FOXD2: variants seen among roughly 807,000 people sequenced by gnomAD.
The protein encoded by FOXD2 is forkhead box D2.
FOXD2 carries 4 observed loss-of-function variants against 6.4 expected under a neutral mutation model. The ratio of observed to expected loss-of-function variants is 0.62; its 90% CI spans 0.31 to 1.42. The LOEUF is 1.42. Among genes scored for constraint, FOXD2 ranks in the 40% most tolerant of loss-of-function variants. The pLI is 0.08. For missense variants in FOXD2, 709 were observed against 766.8 expected (o/e 0.92, Z 0.89); for synonymous variants, 393 against 373.6 (o/e 1.05, Z -0.60).
In FOXD2 at chr1:47,438,422, G is replaced by C; in HGVS notation, c.287G>C (p.Ser96Thr). 1 of 1,155,980 alleles carries C rather than the reference G, an allele frequency of 8.7e-7. No individual in the cohort carries two copies. Among genetic ancestry groups the C allele is most frequent in the South Asian group, 4.2e-5 (1 of 23,658 alleles). The allele number at this position is 1,155,980 out of a possible 1,614,324, so 71.6% of individuals were successfully genotyped here. Residue 96 changes from serine to threonine, a missense_variant, in exon 1 of 1, where the codon AGC (serine) becomes ACC (threonine). Physicochemically the swap from Ser to Thr is moderately conservative, Grantham distance 58. Around this residue, in one of 5 missense-constraint regions of FOXD2, gnomAD observed 220 missense variants for 199.2 expected, o/e 1.10. Transcript: ENST00000334793. ...ASRGAAAAAG[S>T]PGPGAAAARG... Reference sequence around the variant, plus strand: ...CGGGGGGCGGCGGCCGCAGCGGGGAGCCCGGGGCCAGGCGCCGCGGCGGCC... The same window carrying C: ...CGGGGGGCGGCGGCCGCAGCGGGGACCCCGGGGCCAGGCGCCGCGGCGGCC...
At position 47,438,372 on chromosome 1, in the gene FOXD2, C is replaced by T. The variant is rs1219397394; in HGVS notation, c.237C>T (p.Asp79=). 11 of 1,227,788 alleles carry T rather than the reference C, an allele frequency of 9.0e-6. No homozygotes were observed. Among genetic ancestry groups the T allele is most frequent in the Non-Finnish European group, 1.1e-5 (11 of 984,698 alleles). 76.1% of individuals were successfully genotyped at this position (1,227,788 alleles called of 1,614,324 possible). A position where few individuals can be genotyped will look rare whatever the true frequency, so the allele number is the denominator to read the frequency against. Residue 79 remains aspartate (D), a synonymous_variant, in exon 1 of 1, where the codon GAC becomes GAT. Coordinates refer to ENST00000334793, the MANE Select transcript of FOXD2 (RefSeq NM_004474.4). ...EDEEESGGCS[D]GEPRALASRG... ...AGGAGGAGTCTGGTGGCTGCTCGGA[C>T]GGCGAGCCCCGCGCTCTGGCGTCCC... is the stretch of plus-strand genomic sequence containing the variant.
In FOXD2 at chr1:47,438,840, G is replaced by A. The variant is rs759338780; in HGVS notation, c.705G>A (p.Pro235=). Residue 235 remains proline, a synonymous_variant, in exon 1 of 1, where the codon CCG becomes CCA. Transcript: ENST00000334793. The part of the protein sequence containing the change: ...RQPLPPPHPH[P]HPHPELLLRG... ...CCCTGCCGCCGCCGCACCCACACCC[G>A]CACCCTCACCCGGAGCTGCTGCTGC... 3.4e-5 allele frequency: 55 copies of A among 1,610,122 alleles called. No individual in the cohort carries two copies. The African/African-American group carries it at 6.8e-4, about 20-fold the overall frequency.
chr1:47,438,507 G>T lies in FOXD2; in HGVS notation c.372G>T (p.Pro124=), dbSNP rs1046887529. Residue 124 remains proline (P), a synonymous_variant, in exon 1 of 1, where the codon CCG becomes CCT. Coordinates refer to ENST00000334793, the MANE Select transcript of FOXD2 (RefSeq NM_004474.4). ...CGGGGGGCGCGGCGACGCGGAGCCC[G>T]CTGGTGAAGCCGCCCTACTCGTACA... is the stretch of plus-strand genomic sequence containing the variant. ...PPSGGAATRS[P]LVKPPYSYIA... 5.6e-6 allele frequency: 9 copies of T among 1,596,162 alleles called. No homozygotes were observed. The African/African-American group carries it at 6.8e-5, about 12-fold the overall frequency.
Position 47,438,941 on chromosome 1 carries a change from G to GCTACGT in FOXD2, c.811_812insTCTACG (p.Tyr270_Gly271insValTyr). ...GCTGCCTACGGCGCCTACGGCTACG[G>GCTACGT]CTACGGGCTGGCTCTCCCGGCCTAC... On this transcript the variant is annotated inframe_insertion, in exon 1 of 1. Coordinates refer to ENST00000334793, the MANE Select transcript of FOXD2 (RefSeq NM_004474.4). The GCTACGT allele has an allele frequency of 6.5e-7, 1 of 1,527,184 alleles. No homozygotes were observed. The highest frequency in any genetic ancestry group is 8.8e-7 in the Non-Finnish European group (1 of 1,138,876). 94.6% of individuals were successfully genotyped at this position (1,527,184 alleles called of 1,614,324 possible).
At position 47,439,042 on chromosome 1, in the gene FOXD2, G is replaced by C; in HGVS notation, c.907G>C (p.Ala303Pro). ...HAFAFAAAAAAAPCQLSVPPG... is the reference protein window; with the variant it reads ...HAFAFAAAAAPAPCQLSVPPG... ...CTTCGCTTTCGCCGCGGCAGCCGCC[G>C]CCGCTCCTTGCCAGCTGTCGGTACC... Residue 303 changes from alanine (A) to proline (P), a missense_variant, in exon 1 of 1, where the codon GCC becomes CCC. Around this residue, in one of 5 missense-constraint regions of FOXD2, gnomAD observed 322 missense variants for 313.8 expected, o/e 1.03. Transcript: ENST00000334793. 1 of 1,444,868 alleles carries C rather than the reference G, an allele frequency of 6.9e-7. No homozygotes were observed. Among genetic ancestry groups the C allele is most frequent in the Non-Finnish European group, 9.1e-7 (1 of 1,103,570 alleles). 89.5% of individuals were successfully genotyped at this position (1,444,868 alleles called of 1,614,324 possible).
chr1:47,438,421 AGCCCGGGGCCAGGCGCCGCGGCG>A lies in FOXD2; in HGVS notation c.292_314del (p.Gly98ArgfsTer386). 4 of 1,160,014 alleles carry A rather than the reference AGCCCGGGGCCAGGCGCCGCGGCG, an allele frequency of 3.4e-6. No individual in the cohort carries two copies. Among genetic ancestry groups the A allele is most frequent in the Non-Finnish European group, 3.2e-6 (3 of 941,540 alleles). The allele number at this position is 1,160,014 out of a possible 1,614,324, so 71.9% of individuals were successfully genotyped here. On this transcript the variant is annotated frameshift_variant, in exon 1 of 1. Coordinates refer to ENST00000334793, the MANE Select transcript of FOXD2 (RefSeq NM_004474.4). LOFTEE classifies it low-confidence loss of function (END_TRUNC). ...CCGGGGGGCGGCGGCCGCAGCGGGG[AGCCCGGGGCCAGGCGCCGCGGCG>A]GCCCGCGGCGCAGCGGGGCCCGGGC...
rs753662926 is a variant in FOXD2, at chr1:47,439,475, G to A, written c.1340G>A (p.Gly447Asp). 1 of 1,546,414 alleles carries A rather than the reference G, an allele frequency of 6.5e-7. No homozygotes were observed. ...PPFAAAAGPG[G>D]QAQVLAMLTA... ...TTCGCGGCAGCCGCGGGTCCTGGGGGCCAAGCCCAGGTCTTGGCCATGCTG... is the reference window on the plus strand; with the variant it reads ...TTCGCGGCAGCCGCGGGTCCTGGGGACCAAGCCCAGGTCTTGGCCATGCTG... Residue 447 changes from glycine to aspartate, a missense_variant, in exon 1 of 1, where the codon GGC (glycine) becomes GAC (aspartate). Transcript: ENST00000334793.
At position 47,439,236 on chromosome 1, in the gene FOXD2, C is replaced by T. The variant is rs1014078074; in HGVS notation, c.1101C>T (p.Tyr367=). Residue 367 remains tyrosine (Y), a synonymous_variant, in exon 1 of 1, where the codon TAC becomes TAT. Coordinates refer to ENST00000334793, the MANE Select transcript of FOXD2 (RefSeq NM_004474.4). ...GAELGCAKAF[Y]AASLSPPAAG... Reference sequence around the variant, plus strand: ...AGCTGGGCTGCGCCAAAGCCTTCTACGCGGCGTCCCTGAGTCCTCCCGCAG... The same window carrying T: ...AGCTGGGCTGCGCCAAAGCCTTCTATGCGGCGTCCCTGAGTCCTCCCGCAG... 6.7e-7 allele frequency: 1 copy of T among 1,498,286 alleles called. No homozygotes were observed. The highest frequency in any genetic ancestry group is 8.8e-7 in the Non-Finnish European group (1 of 1,135,838). 92.8% of individuals were successfully genotyped at this position (1,498,286 alleles called of 1,614,324 possible). A position where few individuals can be genotyped will look rare whatever the true frequency, so the allele number is the denominator to read the frequency against.
At position 47,439,067 on chromosome 1, in the gene FOXD2, C is replaced by A; in HGVS notation, c.932C>A (p.Pro311His). ...GCCGCTCCTTGCCAGCTGTCGGTAC[C>A]CCCAGGCCGCGCCGCCGCGCCTCCA... Reference protein sequence around the residue: ...AAAAPCQLSVPPGRAAAPPPG... With the variant: ...AAAAPCQLSVHPGRAAAPPPG... The change falls in exon 1 of 1, where the codon CCC (proline) becomes CAC (histidine). Residue 311 changes from proline (P) to histidine (H), a missense_variant. Physicochemically the swap from Pro to His is moderately conservative, Grantham distance 77. Around this residue, in one of 5 missense-constraint regions of FOXD2, gnomAD observed 322 missense variants for 313.8 expected, o/e 1.03. Transcript: ENST00000334793. The A allele has an allele frequency of 6.9e-7, 1 of 1,448,352 alleles. No homozygotes were observed. The highest frequency in any genetic ancestry group is 9.0e-7 in the Non-Finnish European group (1 of 1,105,442). The allele number at this position is 1,448,352 out of a possible 1,614,324, so 89.7% of individuals were successfully genotyped here. A position where few individuals can be genotyped will look rare whatever the true frequency, so the allele number is the denominator to read the frequency against.
In FOXD2 at chr1:47,439,544, C is replaced by T. The variant is rs758279852; in HGVS notation, c.1409C>T (p.Ser470Leu). ...LAPVAGHIRL[S>L]HPGDALLSSG... ...CCCGTTGCTGGCCACATTCGCCTCT[C>T]GCATCCCGGGGACGCGCTGCTGTCC... The change falls in exon 1 of 1, where the codon TCG becomes TTG. Residue 470 changes from serine to leucine, a missense_variant. Ser to Leu is a moderately radical substitution (Grantham distance 145, BLOSUM62 -2). Around this residue, in one of 5 missense-constraint regions of FOXD2, gnomAD observed 322 missense variants for 313.8 expected, o/e 1.03. Transcript: ENST00000334793. 9.7e-6 allele frequency: 15 copies of T among 1,553,642 alleles called. No homozygotes were observed. The highest frequency in any genetic ancestry group is 1.9e-5 in the Admixed American group (1 of 51,480).
At position 47,439,391 on chromosome 1, in the gene FOXD2, G is replaced by A. The variant is rs1284182062; in HGVS notation, c.1256G>A (p.Gly419Asp). Reference protein sequence around the residue: ...RPSFSIDHIMGHGGGGAAPPG... With the variant: ...RPSFSIDHIMDHGGGGAAPPG... ...TCCTTCTCTATAGACCACATCATGG[G>A]CCACGGTGGCGGCGGGGCAGCACCC... Residue 419 changes from glycine (G) to aspartate (D), a missense_variant, in exon 1 of 1, where the codon GGC becomes GAC. Gly to Asp is a moderately conservative substitution (Grantham distance 94). Transcript: ENST00000334793. 1.3e-6 allele frequency: 2 copies of A among 1,546,922 alleles called. No individual in the cohort carries two copies. Among genetic ancestry groups the A allele is most frequent in the Non-Finnish European group, 1.7e-6 (2 of 1,157,040 alleles).
In FOXD2 at chr1:47,438,063, G is replaced by A; in HGVS notation, c.-73G>A. ...CCGCGCGCAAAACGCACTCGCCCCA[G>A]AGGCAGCGCGGCCGAGCCCGAGCCG... On this transcript the variant is annotated 5_prime_UTR_variant, in exon 1 of 1. Transcript: ENST00000334793. 7.8e-7 allele frequency: 1 copy of A among 1,277,150 alleles called. No individual in the cohort carries two copies. The highest frequency in any genetic ancestry group is 2.4e-5 in the South Asian group (1 of 42,212). The allele number at this position is 1,277,150 out of a possible 1,614,324, so 79.1% of individuals were successfully genotyped here.
At position 47,439,138 on chromosome 1, in the gene FOXD2, C is replaced by T; in HGVS notation, c.1003C>T (p.Pro335Ser). The change falls in exon 1 of 1, where the codon CCA becomes TCA. Residue 335 changes from proline to serine, a missense_variant. By Grantham distance (74) the Pro-to-Ser change is moderately conservative. Transcript: ENST00000334793. ...ASVFAGAGSAPAPAPASGSGP... is the reference protein window; with the variant it reads ...ASVFAGAGSASAPAPASGSGP... ...GGTGTTCGCAGGCGCGGGATCGGCC[C>T]CAGCTCCTGCGCCTGCCTCAGGCTC... The T allele has an allele frequency of 2.7e-6, 4 of 1,460,496 alleles. No individual in the cohort carries two copies. Among genetic ancestry groups the T allele is most frequent in the Non-Finnish European group, 3.6e-6 (4 of 1,112,408 alleles). The allele number at this position is 1,460,496 out of a possible 1,614,324, so 90.5% of individuals were successfully genotyped here.
In FOXD2 at chr1:47,439,768, C is replaced by A; in HGVS notation, c.*145C>A. On this transcript the variant is annotated 3_prime_UTR_variant, in exon 1 of 1. Coordinates refer to ENST00000334793, the MANE Select transcript of FOXD2 (RefSeq NM_004474.4). ...GTGACACGGCACTTCAGGCTCCACGCACAGAATCTCGCAGATAGTTGGGAC... is the reference window on the plus strand; with the variant it reads ...GTGACACGGCACTTCAGGCTCCACGAACAGAATCTCGCAGATAGTTGGGAC... The A allele has an allele frequency of 1.4e-6, 1 of 717,048 alleles. No homozygotes were observed. Among genetic ancestry groups the A allele is most frequent in the Non-Finnish European group, 2.3e-6 (1 of 441,210 alleles). The allele number at this position is 717,048 out of a possible 1,614,324, so 44.4% of individuals were successfully genotyped here.
chr1:47,439,509 G>A lies in FOXD2; in HGVS notation c.1374G>A (p.Pro458=). Residue 458 remains proline, a synonymous_variant, in exon 1 of 1, where the codon CCG becomes CCA. Transcript: ENST00000334793. ...QAQVLAMLTA[P]ALAPVAGHIR... ...AGGTCTTGGCCATGCTGACTGCTCC[G>A]GCCCTGGCTCCCGTTGCTGGCCACA... The A allele has an allele frequency of 1.9e-6, 3 of 1,551,360 alleles. No individual in the cohort carries two copies. Among genetic ancestry groups the A allele is most frequent in the African/African-American group, 2.7e-5 (2 of 73,446 alleles).
chr1:47,439,136 C>T lies in FOXD2; in HGVS notation c.1001C>T (p.Ala334Val). ...TASVFAGAGS[A>V]PAPAPASGSG... is the part of the protein sequence containing the mutation. The stretch of plus-strand genomic sequence containing the variant: ...TCGGTGTTCGCAGGCGCGGGATCGG[C>T]CCCAGCTCCTGCGCCTGCCTCAGGC... The change falls in exon 1 of 1, where the codon GCC (alanine) becomes GTC (valine). Residue 334 changes from alanine (A) to valine (V), a missense_variant. This residue lies in a region of FOXD2 where 322 missense variants were observed against 313.8 expected (regional missense o/e 1.03). Coordinates refer to ENST00000334793, the MANE Select transcript of FOXD2 (RefSeq NM_004474.4). 1 of 1,460,420 alleles carries T rather than the reference C, an allele frequency of 6.8e-7. No individual in the cohort carries two copies. Among genetic ancestry groups the T allele is most frequent in the South Asian group, 1.3e-5 (1 of 76,460 alleles). 90.5% of individuals were successfully genotyped at this position (1,460,420 alleles called of 1,614,324 possible).
rs1357934229 is a variant in FOXD2 at position 47,439,444 on chromosome 1, C to T, written c.1309C>T (p.Pro437Ser). Residue 437 changes from proline to serine, a missense_variant, in exon 1 of 1, where the codon CCG (proline) becomes TCG (serine). Pro to Ser is a moderately conservative substitution (Grantham distance 74). This residue lies in a region of FOXD2 where 322 missense variants were observed against 313.8 expected (regional missense o/e 1.03). Transcript: ENST00000334793. ...GGGCGCCGGCGAGGGCTCTCCGGGA[C>T]CGCCATTCGCGGCAGCCGCGGGTCC... is the stretch of plus-strand genomic sequence containing the variant. ...PPGAGEGSPG[P>S]PFAAAAGPGG... 15 of 1,542,042 alleles carry T rather than the reference C, an allele frequency of 9.7e-6. No individual in the cohort carries two copies. The highest frequency in any genetic ancestry group is 1.3e-5 in the Non-Finnish European group (15 of 1,148,822).
In FOXD2 at chr1:47,439,613, G is replaced by A. The variant is rs1646997152; in HGVS notation, c.1478G>A (p.Cys493Tyr). 6.4e-7 allele frequency: 1 copy of A among 1,552,388 alleles called. No individual in the cohort carries two copies. Among genetic ancestry groups the A allele is most frequent in the Non-Finnish European group, 8.7e-7 (1 of 1,148,498 alleles). Residue 493 changes from cysteine (C) to tyrosine (Y), a missense_variant, in exon 1 of 1, where the codon TGC becomes TAC. Cys to Tyr is a radical substitution (Grantham distance 194). Transcript: ENST00000334793. ...AGCAAAGTCGCCGGCCTTAGTGGCT[G>A]CCACTTCTGACCGCAGCAGGCCCAG... is the stretch of plus-strand genomic sequence containing the variant. The part of the protein sequence containing the change: ...FASKVAGLSG[C>Y]HF
Position 47,438,467 on chromosome 1 carries a change from G to T in FOXD2, c.332G>T (p.Gly111Val). 1 of 1,485,292 alleles carries T rather than the reference G, an allele frequency of 6.7e-7. No individual in the cohort carries two copies. The highest frequency in any genetic ancestry group is 9.0e-7 in the Non-Finnish European group (1 of 1,111,180). 92.0% of individuals were successfully genotyped at this position (1,485,292 alleles called of 1,614,324 possible). Reference protein sequence around the residue: ...AAAARGAAGPGPGPPSGGAAT... With the variant: ...AAAARGAAGPVPGPPSGGAAT... ...GCGGCCCGCGGCGCAGCGGGGCCCG[G>T]GCCGGGACCGCCGTCGGGGGGCGCG... Residue 111 changes from glycine (G) to valine (V), a missense_variant, in exon 1 of 1, where the codon GGG (glycine) becomes GTG (valine). Gly to Val is a moderately radical substitution (Grantham distance 109). Coordinates refer to ENST00000334793, the MANE Select transcript of FOXD2 (RefSeq NM_004474.4).
Sources: allele counts gnomAD v4.1 joint callset, GRCh38; gene constraint gnomAD v4.1.1; regional missense constraint gnomAD v4.1.1; transcripts MANE v1.5; gene names NCBI Gene and HGNC (gene_info 2026-07-23, HGNC 2026-07-21).